GALNT17: variants seen among roughly 807,000 people sequenced by gnomAD.
GALNT17 encodes UDP-GalNAc:polypeptide N-acetylgalactosaminyltransferase-like 3.
In GALNT17, 29 loss-of-function variants were observed where a neutral mutation model predicts 63.7. That is an observed-to-expected ratio of 0.46 (90% CI 0.34 to 0.62). The LOEUF (loss-of-function observed/expected upper bound fraction) is 0.62. GALNT17 is among the 20% of genes least tolerant of loss of function. The probability of loss-of-function intolerance (pLI) is 0.01; values close to 1 mark genes in which losing one functional copy is unlikely to be tolerated. For missense variants in GALNT17, 603 were observed against 799.6 expected (o/e 0.75, Z 2.97); for synonymous variants, 305 against 318.3 (o/e 0.96, Z 0.45).
chr7:71,683,465 C>T (rs560751449), intron 9 of GALNT17, among the ~76,000 whole-genome samples: 1 of 152,294 alleles, frequency 6.6e-6, no homozygotes, highest in South Asian at 2.1e-4. Context: ...TGGTGCTCCA[C>T]GGACATCGCT....
At chr7:71,694,074 C>T (rs897174133) in intron 9 of GALNT17, among the ~76,000 whole-genome samples, 12 of 152,080 alleles carry the variant, frequency 7.9e-5, no homozygotes, top group African/African-American at 2.7e-4. Context: ...CTCACAATCA[C>T]GGTGGAAGGT....
At chr7:71,617,057 C>G (rs1790221145) in intron 6 of GALNT17, among the ~76,000 whole-genome samples, 2 of 145,314 alleles carry the variant, frequency 1.4e-5, no homozygotes, top group Admixed American at 1.4e-4. Flanking sequence ...ATTAATTATG[C>G]CACATATAAT....
rs554279905 is a variant in GALNT17 at position 71,498,928 on chromosome 7, A to G, written c.963-72357A>G. Reference sequence around the variant, plus strand: ...TCTGAGTTAAGCTACCTTTGAGGACATGGTGACATTTAATGCTAAAAGCAT... The same window carrying G: ...TCTGAGTTAAGCTACCTTTGAGGACGTGGTGACATTTAATGCTAAAAGCAT... On this transcript the variant is annotated intron_variant, in intron 5 of 10. Coordinates refer to ENST00000333538, the MANE Select transcript of GALNT17 (RefSeq NM_022479.3). Among the ~76,000 whole-genome samples, 3 of 152,342 alleles carry G rather than the reference A, an allele frequency of 2.0e-5. 1 individual carries two copies. The highest frequency in any genetic ancestry group is 4.1e-4 in the South Asian group (2 of 4,822).
intron 2 of GALNT17, among the ~76,000 whole-genome samples, chr7:71,376,751 A>G (rs1470615226): frequency 6.6e-6 from 1 of 151,862 alleles, no homozygotes; most frequent in African/African-American, 2.4e-5. Flanking sequence ...TAGGAGTTCA[A>G]GACCAGCCTG....
At chr7:71,223,239 G>A (rs1427279824) in intron 1 of GALNT17, among the ~76,000 whole-genome samples, 1 of 152,060 alleles carries the variant, frequency 6.6e-6, no homozygotes, top group Non-Finnish European at 1.5e-5. Flanking sequence ...ACTGATGGAC[G>A]TTGCTGGCAG....
chr7:71,496,074 GA>G (rs1788089447), intron 5 of GALNT17, among the ~76,000 whole-genome samples: 1 of 152,196 alleles, frequency 6.6e-6, no homozygotes, highest in African/African-American at 2.4e-5. Flanking sequence ...AAAGCACTGG[GA>G]ACCCATGTGC....
intron 1 of GALNT17, among the ~76,000 whole-genome samples, chr7:71,316,029 T>C (rs898472948): frequency 2.6e-5 from 4 of 152,052 alleles, no homozygotes; most frequent in Non-Finnish European, 5.9e-5. Flanking sequence ...GGAAACCAAC[T>C]TATGTAAGGT....
chr7:71,322,795 A>G lies in GALNT17; in HGVS notation c.239-12755A>G, dbSNP rs550943698. On this transcript the variant is annotated intron_variant, in intron 1 of 10. Transcript: ENST00000333538. ...CTCCCTCTCTCTGTCATGTGAGGATATAGCAAGAATGAGGCCATCTGCAAG... is the reference window on the plus strand; with the variant it reads ...CTCCCTCTCTCTGTCATGTGAGGATGTAGCAAGAATGAGGCCATCTGCAAG... 5.3e-5 allele frequency among the ~76,000 whole-genome samples: 8 copies of G among 152,314 alleles called. No homozygotes were observed. The South Asian group carries it at 1.2e-3, about 24-fold the overall frequency.
At chr7:71,705,322 C>G (rs1447938790) in intron 9 of GALNT17, among the ~76,000 whole-genome samples, 1 of 152,188 alleles carries the variant, frequency 6.6e-6, no homozygotes, top group Non-Finnish European at 1.5e-5. Flanking sequence ...CCACTTCACA[C>G]TCCTACTAGG....
intron 1 of GALNT17, among the ~76,000 whole-genome samples, chr7:71,249,409 T>G (rs1790157393): frequency 6.6e-6 from 1 of 152,214 alleles, no homozygotes; most frequent in Admixed American, 6.5e-5. Context: ...TGGTGAAAAT[T>G]TTTGAGCACA....
At chr7:71,246,639 G>A (rs548927381) in intron 1 of GALNT17, among the ~76,000 whole-genome samples, 106 of 151,836 alleles carry the variant, frequency 7.0e-4, no homozygotes, top group Non-Finnish European at 1.2e-3. Context: ...GACCATCCTG[G>A]CTAACACGGT....
At chr7:71,688,186 T>C (rs541162199) in intron 9 of GALNT17, among the ~76,000 whole-genome samples, 4 of 152,346 alleles carry the variant, frequency 2.6e-5, no homozygotes, top group African/African-American at 9.6e-5. Flanking sequence ...CCTTTTGCAT[T>C]CCAATGCAAC....
At chr7:71,185,546 G>A (rs1352797093) in intron 1 of GALNT17, among the ~76,000 whole-genome samples, 11 of 132,330 alleles carry the variant, frequency 8.3e-5, no homozygotes, top group Admixed American at 2.5e-4. Context: ...TTTTTGAGAC[G>A]GAGTCTGGCT....
chr7:71,152,762 A>T (rs1788157648), intron 1 of GALNT17, among the ~76,000 whole-genome samples: 1 of 151,736 alleles, frequency 6.6e-6, no homozygotes, highest in Non-Finnish European at 1.5e-5. Flanking sequence ...CCTCCTGAGT[A>T]GCTAGGATTA....
chr7:71,687,301 C>A (rs1349688842), intron 9 of GALNT17, among the ~76,000 whole-genome samples: 1 of 152,222 alleles, frequency 6.6e-6, no homozygotes, highest in Non-Finnish European at 1.5e-5. Context: ...TTAAGCGATA[C>A]ATCATCCAAA....
chr7:71,246,526 A>G (rs1790100767), intron 1 of GALNT17, among the ~76,000 whole-genome samples: 2 of 150,308 alleles, frequency 1.3e-5, no homozygotes, highest in African/African-American at 4.9e-5. Flanking sequence ...ACTGCTATAC[A>G]TTCATTAAGA....
At chr7:71,646,970 TCTC>T in intron 6 of GALNT17, among the ~76,000 whole-genome samples, 1 of 151,910 alleles carries the variant, frequency 6.6e-6, no homozygotes, top group Admixed American at 6.6e-5. Context: ...ATGGTCTTGA[TCTC>T]CTGACCTCAT....
intron 1 of GALNT17, among the ~76,000 whole-genome samples, chr7:71,142,941 C>CA (rs58537746): frequency 6.0e-4 from 74 of 123,318 alleles, no homozygotes; most frequent in African/African-American, 9.4e-4. Flanking sequence ...ACTCTTGTCT[C>CA]AAAAAAAAAA....
chr7:71,441,385 C>T (rs1002102911), intron 5 of GALNT17, among the ~76,000 whole-genome samples: 1 of 152,230 alleles, frequency 6.6e-6, no homozygotes, highest in African/African-American at 2.4e-5. Flanking sequence ...ACAGCATACA[C>T]AAATGACCAT....
Sources: allele counts gnomAD v4.1 joint callset (sites outside exome capture counted in the v4.1 genomes callset), GRCh38; gene constraint gnomAD v4.1.1; transcripts MANE v1.5; gene names NCBI Gene and HGNC (gene_info 2026-07-23, HGNC 2026-07-21).